TENM2: variants seen among roughly 807,000 people sequenced by gnomAD.
The protein encoded by TENM2 is teneurin transmembrane protein 2.
TENM2 carries 52 observed loss-of-function variants against 245.2 expected under a neutral mutation model. The ratio of observed to expected loss-of-function variants is 0.21; its 90% confidence interval spans 0.17 to 0.27. The LOEUF (loss-of-function observed/expected upper bound fraction) is 0.27. TENM2 is among the 10% of genes least tolerant of loss of function. The pLI, the probability that TENM2 is intolerant of heterozygous loss-of-function variation, is 1.00. For missense variants in TENM2, 3,046 were observed against 3,666.8 expected (o/e 0.83, Z 4.37); for synonymous variants, 1,363 against 1,438.9 (o/e 0.95, Z 1.19).
At chr5:167,623,799 T>G (rs968556967) in intron 2 of TENM2, among the ~76,000 whole-genome samples, 1 of 152,186 alleles carries the variant, frequency 6.6e-6, no homozygotes, top group African/African-American at 2.4e-5. Flanking sequence ...CCCATTATAG[T>G]AAAATGAAAT....
At chr5:168,224,128 A>C (rs1214748556) in intron 23 of TENM2, among the ~76,000 whole-genome samples, 1 of 152,202 alleles carries the variant, frequency 6.6e-6, no homozygotes. Flanking sequence ...CACTATTGTA[A>C]ATAGCACCTT....
chr5:167,377,542 A>G (rs1252219266), intron 2 of TENM2, among the ~76,000 whole-genome samples: 3 of 152,160 alleles, frequency 2.0e-5, no homozygotes, highest in East Asian at 1.9e-4. Context: ...TACATATTCA[A>G]AAGAGGTACA....
chr5:167,086,539 A>G, the TENM2 span, among the ~76,000 whole-genome samples: 1 of 152,170 alleles, frequency 6.6e-6, no homozygotes. Flanking sequence ...GAGGAAATGC[A>G]TAGGAGCCAG....
chr5:167,029,480 C>T, the TENM2 span, among the ~76,000 whole-genome samples: 1 of 152,194 alleles, frequency 6.6e-6, no homozygotes, highest in Non-Finnish European at 1.5e-5. Flanking sequence ...AGCATCTGTG[C>T]TGTGGTGGAC....
chr5:167,849,650 C>G (rs551522155), intron 2 of TENM2, among the ~76,000 whole-genome samples: 1 of 152,300 alleles, frequency 6.6e-6, no homozygotes, highest in Non-Finnish European at 1.5e-5. Context: ...GTGACTTGTG[C>G]TTCTAAATGA....
chr5:167,294,010 CTGAG>C (rs1754808298), intron 1 of TENM2, among the ~76,000 whole-genome samples: 1 of 124,244 alleles, frequency 8.0e-6, no homozygotes, highest in African/African-American at 3.1e-5. Flanking sequence ...GTGTGTTCAA[CTGAG>C]TGTGTGTTTT....
chr5:168,200,189 C>G, intron 17 of TENM2, 58 bp downstream of exon 19: 1 of 1,509,380 alleles, frequency 6.6e-7, no homozygotes, highest in Non-Finnish European at 9.0e-7. Flanking sequence ...GTTAATTCGA[C>G]CCATATTTAT....
chr5:167,668,578 G>A (rs1286237311), intron 2 of TENM2, among the ~76,000 whole-genome samples: 1 of 152,122 alleles, frequency 6.6e-6, no homozygotes, highest in African/African-American at 2.4e-5. Flanking sequence ...GCAGCATAAG[G>A]TTTAATTTTC....
At chr5:168,109,963 A>C (rs936775698) in intron 9 of TENM2, among the ~76,000 whole-genome samples, 2 of 151,932 alleles carry the variant, frequency 1.3e-5, no homozygotes, top group Admixed American at 1.3e-4. Context: ...TGCGTTACCA[A>C]ACAGAAATCA....
chr5:167,547,342 A>T (rs1163509660), intron 2 of TENM2, among the ~76,000 whole-genome samples: 1 of 152,184 alleles, frequency 6.6e-6, no homozygotes, highest in Non-Finnish European at 1.5e-5. Flanking sequence ...AAGTGCTGGG[A>T]TTACAGGTGT....
At chr5:167,507,628 A>G (rs1335926899) in intron 2 of TENM2, among the ~76,000 whole-genome samples, 2 of 152,256 alleles carry the variant, frequency 1.3e-5, no homozygotes, top group East Asian at 3.9e-4. Context: ...CATGAGTAAT[A>G]ATGGCTTCCC....
At chr5:167,207,552 T>C in the TENM2 span, among the ~76,000 whole-genome samples, 1 of 152,220 alleles carries the variant, frequency 6.6e-6, no homozygotes, top group Non-Finnish European at 1.5e-5. Flanking sequence ...ATCATCACTT[T>C]GCAGCCAGAC....
At chr5:167,589,353 T>C (rs933715047) in intron 2 of TENM2, among the ~76,000 whole-genome samples, 1 of 152,192 alleles carries the variant, frequency 6.6e-6, no homozygotes, top group Non-Finnish European at 1.5e-5. Context: ...TTGAATATTA[T>C]CAAACTAGTA....
At chr5:167,085,074 C>T in the TENM2 span, among the ~76,000 whole-genome samples, 1 of 152,116 alleles carries the variant, frequency 6.6e-6, no homozygotes, top group Non-Finnish European at 1.5e-5. Flanking sequence ...AATTCCTCTG[C>T]CTTTGAGTGA....
At chr5:167,632,744 C>T (rs959168078) in intron 2 of TENM2, among the ~76,000 whole-genome samples, 2 of 152,006 alleles carry the variant, frequency 1.3e-5, no homozygotes, top group African/African-American at 4.8e-5. Context: ...CAGTACCTGG[C>T]ACAAAGTAGG....
the TENM2 span, among the ~76,000 whole-genome samples, chr5:167,139,169 C>G: frequency 6.6e-6 from 1 of 152,208 alleles, no homozygotes; most frequent in Non-Finnish European, 1.5e-5. Context: ...GCATGGGTCT[C>G]GTCCAAGAAC....
chr5:167,740,414 T>C (rs1224301645), intron 2 of TENM2, among the ~76,000 whole-genome samples: 1 of 152,180 alleles, frequency 6.6e-6, no homozygotes, highest in Non-Finnish European at 1.5e-5. Flanking sequence ...AATGCTTCTC[T>C]TGTGTGTTTT....
chr5:167,548,825 G>A (rs1017935583), intron 2 of TENM2, among the ~76,000 whole-genome samples: 7 of 152,164 alleles, frequency 4.6e-5, no homozygotes, highest in Non-Finnish European at 8.8e-5. Context: ...GGAAATCTGT[G>A]TGCATTGGGT....
chr5:168,037,352 C>A (rs247989), intron 5 of TENM2, among the ~76,000 whole-genome samples: 7,751 of 152,146 alleles, frequency 0.051, 287 homozygotes, highest in Non-Finnish European at 0.073. Flanking sequence ...ATTTCTCACT[C>A]CTGAAAAAGT....
Sources: allele counts gnomAD v4.1 joint callset (sites outside exome capture counted in the v4.1 genomes callset), GRCh38; gene constraint gnomAD v4.1.1; transcripts MANE v1.5; gene names NCBI Gene and HGNC (gene_info 2026-07-23, HGNC 2026-07-21).